The following BICC1 variants were observed in gnomAD, a reference collection of about 807,000 sequenced individuals.
BICC1 encodes protein bicaudal C homolog 1.
A neutral mutation model predicts 111.0 loss-of-function variants in BICC1; 43 were observed. The ratio of observed to expected loss-of-function variants is 0.39; its 90% CI spans 0.30 to 0.50. BICC1 has a LOEUF of 0.50. Ranked by LOEUF, BICC1 falls within the 20% of genes least tolerant of loss-of-function variation. The pLI, the probability that BICC1 is intolerant of heterozygous loss-of-function variation, is 0.88. For missense variants in BICC1, 1,091 were observed against 1,203.2 expected, an observed-to-expected ratio of 0.91 and a Z score of 1.38; for synonymous variants, 467 against 434.4, an observed-to-expected ratio of 1.07 and a Z score of -0.93.
intron 4 of BICC1, among the ~76,000 whole-genome samples, chr10:58,785,863 A>G (rs1019198630): frequency 3.2e-4 from 48 of 152,284 alleles, no homozygotes; most frequent in African/African-American, 1.1e-3. Context: ...GCCACCTGGC[A>G]TTTCATTAGA....
rs1844136490 is a variant in BICC1 at position 58,817,649 on chromosome 10, A to G, written c.2621A>G (p.Lys874Arg). 2.5e-6 allele frequency: 4 copies of G among 1,613,400 alleles called. No homozygotes were observed. The highest frequency in any genetic ancestry group is 3.4e-6 in the Non-Finnish European group (4 of 1,179,648). Residue 874 changes from lysine to arginine, a missense_variant, in exon 19 of 21, where the codon AAA becomes AGA. Physicochemically the swap from Lys to Arg is conservative, Grantham distance 26 (BLOSUM62 2). This residue lies in a region of BICC1 where 231 missense variants were observed against 256.2 expected (regional missense o/e 0.90). Transcript: ENST00000373886. ...SNGCNLNSSF[K>R]GSDLPELFSK... ...GGCTGTAACTTAAATAGCTCTTTCA[A>G]AGGTTCTGACCTCCCTGAGCTCTTC...
At chr10:58,562,187 A>G (rs1429256759) in intron 1 of BICC1, among the ~76,000 whole-genome samples, 3 of 152,136 alleles carry the variant, frequency 2.0e-5, no homozygotes, top group Non-Finnish European at 4.4e-5. Flanking sequence ...TTCATTAAAT[A>G]TATTTTCAAT....
chr10:58,775,839 C>T (rs1309873103), intron 3 of BICC1, among the ~76,000 whole-genome samples: 2 of 152,166 alleles, frequency 1.3e-5, no homozygotes, highest in Non-Finnish European at 2.9e-5. Flanking sequence ...TAATATTAGG[C>T]CTTTTTAATT....
At chr10:58,709,737 C>T (rs568058048) in intron 3 of BICC1, among the ~76,000 whole-genome samples, 1 of 152,312 alleles carries the variant, frequency 6.6e-6, no homozygotes, top group East Asian at 1.9e-4. Context: ...TCCCTATAGA[C>T]CCCTTAAGTA....
rs1382872563 is a variant in BICC1 at position 58,623,193 on chromosome 10, TTTAA to T, written c.237+2299_237+2302del. On this transcript the variant is annotated intron_variant, in intron 2 of 20. Coordinates refer to ENST00000373886, the MANE Select transcript of BICC1 (RefSeq NM_001080512.3). ...AATGACTATACTAAATTTTGCTCAATTTAATTAATTGCTCTCATTAAAGTTTTCG... is the reference window on the plus strand; with the variant it reads ...AATGACTATACTAAATTTTGCTCAATTTAATTGCTCTCATTAAAGTTTTCG... 4.6e-5 allele frequency among the ~76,000 whole-genome samples: 7 copies of T among 152,180 alleles called. No homozygotes were observed. The East Asian group carries it at 9.6e-4, about 21-fold the overall frequency.
chr10:58,541,006 C>A (rs1593670), intron 1 of BICC1, among the ~76,000 whole-genome samples: 3 of 151,740 alleles, frequency 2.0e-5, no homozygotes, highest in Non-Finnish European at 4.4e-5. Context: ...GTCATACACC[C>A]TTTCATGACA....
At chr10:58,575,000 T>C (rs1844066129) in intron 1 of BICC1, among the ~76,000 whole-genome samples, 1 of 152,148 alleles carries the variant, frequency 6.6e-6, no homozygotes, top group Non-Finnish European at 1.5e-5. Flanking sequence ...GAAATTATTT[T>C]GACCCCTCAA....
intron 2 of BICC1, among the ~76,000 whole-genome samples, chr10:58,693,757 A>G (rs2132420184): frequency 6.6e-6 from 1 of 152,312 alleles, no homozygotes; most frequent in East Asian, 1.9e-4. Context: ...GATTCTAGAT[A>G]TCAGCCATTT....
At chr10:58,664,824 G>A (rs1448436188) in intron 2 of BICC1, among the ~76,000 whole-genome samples, 1 of 151,856 alleles carries the variant, frequency 6.6e-6, no homozygotes, top group Non-Finnish European at 1.5e-5. Context: ...TCTTCAGTTC[G>A]TTAATATAGG....
chr10:58,632,484 A>G (rs1403544673), intron 2 of BICC1, among the ~76,000 whole-genome samples: 1 of 152,148 alleles, frequency 6.6e-6, no homozygotes, highest in Non-Finnish European at 1.5e-5. Flanking sequence ...GAGCTTTACA[A>G]TGGAGGAAAC....
intron 2 of BICC1, among the ~76,000 whole-genome samples, chr10:58,621,981 G>C (rs568513174): frequency 2.7e-5 from 3 of 110,214 alleles, no homozygotes. Flanking sequence ...ATCCAGCCTG[G>C]GCAACATGGA....
chr10:58,607,594 T>TCACTCTTCCCC (rs1206326088), intron 1 of BICC1, among the ~76,000 whole-genome samples: 1 of 151,970 alleles, frequency 6.6e-6, no homozygotes, highest in Non-Finnish European at 1.5e-5. Context: ...CACTCCTCCC[T>TCACTCTTCCCC]CACTCTTCCC....
chr10:58,688,733 A>G (rs1249669021), intron 2 of BICC1, among the ~76,000 whole-genome samples: 5 of 152,170 alleles, frequency 3.3e-5, no homozygotes, highest in Non-Finnish European at 7.3e-5. Flanking sequence ...CTTTGCAGGG[A>G]CGTGGATGAA....
chr10:58,613,706 A>G (rs995758657), intron 1 of BICC1, among the ~76,000 whole-genome samples: 2 of 152,186 alleles, frequency 1.3e-5, no homozygotes, highest in African/African-American at 4.8e-5. Context: ...GAATTGCTAA[A>G]TTAAATTTAT....
chr10:58,538,878 A>G (rs559646827), intron 1 of BICC1, among the ~76,000 whole-genome samples: 57 of 151,910 alleles, frequency 3.8e-4, no homozygotes, highest in African/African-American at 1.4e-3. Flanking sequence ...ACGCAACAAG[A>G]TACTACTGTA....
chr10:58,768,594 AACTCTAG>A (rs1842523834), intron 3 of BICC1, among the ~76,000 whole-genome samples: 1 of 152,194 alleles, frequency 6.6e-6, no homozygotes. Flanking sequence ...AATTCATTTT[AACTCTAG>A]TATAAATGTT....
At chr10:58,677,772 G>GA (rs1268279605) in intron 2 of BICC1, among the ~76,000 whole-genome samples, 1 of 152,014 alleles carries the variant, frequency 6.6e-6, no homozygotes, top group African/African-American at 2.4e-5. Context: ...TGAAATGAAG[G>GA]AAAAAAATCT....
At chr10:58,804,918 T>TGCTA (rs1448120976) in intron 15 of BICC1, among the ~76,000 whole-genome samples, 13 of 152,166 alleles carry the variant, frequency 8.5e-5, no homozygotes, top group Admixed American at 3.9e-4. Flanking sequence ...GCTCTTGGAG[T>TGCTA]GCTATATCCC....
At chr10:58,569,161 G>T (rs1843864293) in intron 1 of BICC1, among the ~76,000 whole-genome samples, 1 of 152,176 alleles carries the variant, frequency 6.6e-6, no homozygotes, top group Non-Finnish European at 1.5e-5. Context: ...TTGAAAGGGA[G>T]AAAACAGCAC....
Sources: gnomAD v4.1 joint callset for allele counts (sites outside exome capture counted in the v4.1 genomes callset) on GRCh38, gnomAD v4.1.1 for gene constraint, gnomAD v4.1.1 regional missense constraint, MANE v1.5 for transcripts, NCBI Gene and HGNC (gene_info 2026-07-23, HGNC 2026-07-21) for gene names.